C22orf42: variants seen among roughly 807,000 people sequenced by gnomAD.
The protein encoded by C22orf42 is chromosome 22 open reading frame 42, also known as uncharacterized protein C22orf42.
A neutral mutation model predicts 31.4 loss-of-function variants in C22orf42; 24 were observed. That is an observed-to-expected ratio of 0.77 (90% CI 0.55 to 1.08). The LOEUF (loss-of-function observed/expected upper bound fraction) is 1.08. Ranked by LOEUF, C22orf42 falls within the 50% of genes least tolerant of loss-of-function variation. The pLI, the probability that C22orf42 is intolerant of heterozygous loss-of-function variation, is 0.00. For synonymous variants in C22orf42, 96 were observed against 112.7 expected, an observed-to-expected ratio of 0.85 and a Z score of 0.94; for missense variants, 276 against 327.3, an observed-to-expected ratio of 0.84 and a Z score of 1.21.
chr22:32,157,895 C>T (rs545097660), intron 1 of C22orf42, among the ~76,000 whole-genome samples: 2 of 152,288 alleles, frequency 1.3e-5, no homozygotes, highest in Non-Finnish European at 2.9e-5. Context: ...GCCACCCTGT[C>T]CCTCTGTGGT....
At chr22:32,149,802 C>T (rs45462396) in intron 7 of C22orf42, 22 bp from the exon 8 acceptor site, 91,085 of 1,477,378 alleles carry the variant, frequency 0.062, 3,441 homozygotes, top group Non-Finnish European at 0.071. Context: ...GAAAGGAAAA[C>T]GCCATGAGGA....
At chr22:32,157,250 G>A (rs1048120494) in intron 1 of C22orf42, among the ~76,000 whole-genome samples, 2 of 151,964 alleles carry the variant, frequency 1.3e-5, no homozygotes, top group Non-Finnish European at 2.9e-5. Flanking sequence ...CTCCTAGCTG[G>A]TCTCCCTGCT....
In C22orf42 at chr22:32,158,898, C is replaced by G. The variant is rs985258432; in HGVS notation, c.232+86G>C. The G allele has an allele frequency of 8.9e-6, 13 of 1,456,708 alleles. No individual in the cohort carries two copies. The African/African-American group carries it at 1.8e-4, about 20-fold the overall frequency. 90.2% of individuals were successfully genotyped at this position (1,456,708 alleles called of 1,614,324 possible). A position where few individuals can be genotyped will look rare whatever the true frequency, so the allele number is the denominator to read the frequency against. On this transcript the variant is annotated intron_variant, in intron 1 of 8. Transcript: ENST00000382097. Reference sequence around the variant, plus strand: ...GGAGGGAGCTGGAAGCTGAGGATGTCTCTGAGGGTGAGGGACTGCAAAGGG... The same window carrying G: ...GGAGGGAGCTGGAAGCTGAGGATGTGTCTGAGGGTGAGGGACTGCAAAGGG...
intron 4 of C22orf42, among the ~76,000 whole-genome samples, 180 bp downstream of exon 4, chr22:32,151,884 CAGA>C (rs1004922848): frequency 1.5e-4 from 10 of 67,338 alleles, no homozygotes; most frequent in Admixed American, 1.2e-3. Flanking sequence ...TTGGGAAAGA[CAGA>C]GGAGTGACTA....
chr22:32,151,422 G>A (rs1405787836), intron 5 of C22orf42, 65 bp downstream of exon 5: 7 of 1,466,826 alleles, frequency 4.8e-6, no homozygotes, highest in Non-Finnish European at 6.7e-6. Flanking sequence ...ATATTCATTT[G>A]ATATTCTAGA....
chr22:32,152,049 TAAAAAAAAAA>T lies in C22orf42; in HGVS notation c.400+8_400+17del. The T allele has an allele frequency of 7.0e-7, 1 of 1,429,456 alleles. No homozygotes were observed. Among genetic ancestry groups the T allele is most frequent in the South Asian group, 1.3e-5 (1 of 75,644 alleles). The allele number at this position is 1,429,456 out of a possible 1,614,324, so 88.5% of individuals were successfully genotyped here. Reference sequence around the variant, plus strand: ...TCAACTACATGTAAATAAAGCTGTTTAAAAAAAAAATACGTACGGTGGTCGTGCTTGGCCT... The same window carrying T: ...TCAACTACATGTAAATAAAGCTGTTTTACGTACGGTGGTCGTGCTTGGCCT... On this transcript the variant is annotated splice_region_variant and intron_variant, in intron 4 of 8. Transcript: ENST00000382097.
chr22:32,158,471 C>T (rs973726443), intron 1 of C22orf42, among the ~76,000 whole-genome samples: 10 of 152,140 alleles, frequency 6.6e-5, no homozygotes, highest in Non-Finnish European at 1.0e-4. Context: ...CTTCTTTCTT[C>T]AAATTACAAT....
chr22:32,149,765 C>A lies in C22orf42; in HGVS notation c.670G>T (p.Glu224Ter), dbSNP rs773395563. 5 of 1,474,518 alleles carry A rather than the reference C, an allele frequency of 3.4e-6. No homozygotes were observed. In the South Asian group the frequency reaches 6.0e-5, roughly 18 times the overall value. The allele number at this position is 1,474,518 out of a possible 1,614,324, so 91.3% of individuals were successfully genotyped here. Reference protein sequence around the residue: ...MTPEMAKERYEDYLCWVKMAR... With the variant: ...MTPEMAKERY Reference sequence around the variant, plus strand: ...TATATATACTTACAGAGGTAATCTTCATATCTCTCCTTTGCCTGCAATAGG... The same window carrying A: ...TATATATACTTACAGAGGTAATCTTAATATCTCTCCTTTGCCTGCAATAGG... The change falls in exon 8 of 9, where the codon GAA (glutamate) becomes TAA (stop). Residue 224 changes from glutamate (E) to a stop codon, truncating the protein, a stop_gained. Coordinates refer to ENST00000382097, the MANE Select transcript of C22orf42 (RefSeq NM_001010859.3). LOFTEE classifies it high-confidence loss of function.
At chr22:32,158,114 TTTGTAAGTAAATGC>T (rs373595227) in intron 1 of C22orf42, among the ~76,000 whole-genome samples, 4,632 of 152,274 alleles carry the variant, frequency 0.03, 48 homozygotes, top group African/African-American at 0.11. Flanking sequence ...TTCGGACTGC[TTTGTAAGTAAATGC>T]TTCTCTCCTG....
At chr22:32,158,900 C>T (rs553612920) in intron 1 of C22orf42, 84 bp downstream of exon 1, 717 of 1,471,854 alleles carry the variant, frequency 4.9e-4, no homozygotes, top group Non-Finnish European at 6.5e-4. Flanking sequence ...GAGGATGTCT[C>T]TGAGGGTGAG....
chr22:32,150,639 A>G, intron 6 of C22orf42, 160 bp from the exon 7 acceptor site: 2 of 698,188 alleles, frequency 2.9e-6, no homozygotes, highest in Non-Finnish European at 4.9e-6. Context: ...GAAGGAAGGC[A>G]AAGGAGAAGG....
chr22:32,149,971 A>T, intron 7 of C22orf42, 191 bp from the exon 8 acceptor site: 1 of 515,604 alleles, frequency 1.9e-6, no homozygotes, highest in East Asian at 3.1e-5. Flanking sequence ...TAGTAAGTCC[A>T]TGTTGGCTGG....
At chr22:32,155,239 T>G (rs1340388553) in intron 1 of C22orf42, among the ~76,000 whole-genome samples, 1 of 152,176 alleles carries the variant, frequency 6.6e-6, no homozygotes, top group African/African-American at 2.4e-5. Context: ...TTTGGGATGG[T>G]TGATGCCCTG....
At position 32,150,016 on chromosome 22, in the gene C22orf42, G is replaced by A. The variant is rs962898716; in HGVS notation, c.655-236C>T. On this transcript the variant is annotated intron_variant, in intron 7 of 8. Transcript: ENST00000382097. ...AATTATTTTTCAAGAAGAAAAAGTT[G>A]CTACTGAGAAATATGCTCACTACCA... 13 of 478,124 alleles carry A rather than the reference G, an allele frequency of 2.7e-5. 1 individual carries two copies. The South Asian group carries it at 5.0e-4, about 18-fold the overall frequency. The allele number at this position is 478,124 out of a possible 1,614,324, so 29.6% of individuals were successfully genotyped here. A position where few individuals can be genotyped will look rare whatever the true frequency, so the allele number is the denominator to read the frequency against.
intron 1 of C22orf42, among the ~76,000 whole-genome samples, chr22:32,156,327 A>C (rs1216043081): frequency 1.3e-5 from 2 of 152,052 alleles, no homozygotes; most frequent in Non-Finnish European, 2.9e-5. Flanking sequence ...AAATTCCCAT[A>C]TTACACCTAA....
At chr22:32,156,888 A>G (rs1223222400) in intron 1 of C22orf42, among the ~76,000 whole-genome samples, 4 of 152,246 alleles carry the variant, frequency 2.6e-5, no homozygotes, top group Non-Finnish European at 5.9e-5. Flanking sequence ...TCTGGCTTAA[A>G]TGCATTTGCA....
chr22:32,151,314 G>A (rs1299486043), intron 5 of C22orf42, among the ~76,000 whole-genome samples, 173 bp downstream of exon 5: 3 of 152,086 alleles, frequency 2.0e-5, no homozygotes, highest in South Asian at 4.1e-4. Context: ...GTCCTTTGAC[G>A]GCCATCGTCA....
intron 4 of C22orf42, 121 bp from the exon 5 acceptor site, chr22:32,151,672 G>C (rs565018672): frequency 8.2e-5 from 73 of 894,120 alleles, no homozygotes; most frequent in Non-Finnish European, 1.3e-4. Flanking sequence ...GGCATGGACT[G>C]AGCTGCTGCT....
At chr22:32,154,465 C>T in intron 1 of C22orf42, 147 bp from the exon 2 acceptor site, 1 of 1,103,326 alleles carries the variant, frequency 9.1e-7, no homozygotes, top group Non-Finnish European at 1.3e-6. Flanking sequence ...GCACCGTCTG[C>T]TTTTCAACTC....
Sources: gnomAD v4.1 joint callset for allele counts (sites outside exome capture counted in the v4.1 genomes callset) on GRCh38, gnomAD v4.1.1 for gene constraint, MANE v1.5 for transcripts, NCBI Gene and HGNC (gene_info 2026-07-23, HGNC 2026-07-21) for gene names.